Variants in ASTN1 observed in about 807,000 individuals in gnomAD.
ASTN1 encodes astrotactin-1.
ASTN1 carries 41 observed loss-of-function variants against 140.7 expected under a neutral mutation model. That is an observed-to-expected ratio of 0.29 (90% CI 0.23 to 0.38). The LOEUF is 0.38. Ranked by LOEUF, ASTN1 falls within the 10% of genes least tolerant of loss-of-function variation. The pLI, the probability that ASTN1 is intolerant of heterozygous loss-of-function variation, is 1.00. For missense variants in ASTN1, 1,479 were observed against 1,678.8 expected, an observed-to-expected ratio of 0.88 and a Z score of 2.08; for synonymous variants, 640 against 652.2, an observed-to-expected ratio of 0.98 and a Z score of 0.29.
intron 8 of ASTN1, among the ~76,000 whole-genome samples, chr1:176,991,436 C>CCAAAAAAAAAAAAAAAAAAAAAACA (rs1674164162): frequency 7.2e-5 from 1 of 13,834 alleles, no homozygotes; most frequent in Non-Finnish European, 1.5e-4. Context: ...AAAAAAAAAC[C>CCAAAAAAAAAAAAAAAAAAAAAACA]AAAAAAAAAA....
chr1:177,051,439 C>T (rs1255150342), intron 2 of ASTN1, among the ~76,000 whole-genome samples: 1 of 152,226 alleles, frequency 6.6e-6, no homozygotes, highest in East Asian at 1.9e-4. Context: ...TTGGGCACTA[C>T]ATTGGCAAGA....
chr1:176,923,822 C>T (rs1027739810), intron 16 of ASTN1, among the ~76,000 whole-genome samples: 1 of 152,176 alleles, frequency 6.6e-6, no homozygotes, highest in Non-Finnish European at 1.5e-5. Context: ...ATGAAGTACT[C>T]ATCCCAAAAG....
At chr1:176,948,304 G>T (rs1672038116) in intron 12 of ASTN1, among the ~76,000 whole-genome samples, 1 of 144,300 alleles carries the variant, frequency 6.9e-6, no homozygotes, top group Non-Finnish European at 1.5e-5. Context: ...GGGAGGGAGA[G>T]GGGGGAGAAT....
chr1:176,999,801 G>T (rs960340), intron 8 of ASTN1, among the ~76,000 whole-genome samples: 83,269 of 151,860 alleles, frequency 0.55, 23,325 homozygotes, highest in Non-Finnish European at 0.58. Flanking sequence ...AGATTTGATG[G>T]TTTTATGTGT....
chr1:177,104,036 G>T (rs1043771150), intron 1 of ASTN1, among the ~76,000 whole-genome samples: 1 of 152,082 alleles, frequency 6.6e-6, no homozygotes, highest in Non-Finnish European at 1.5e-5. Context: ...ACAAGCACTT[G>T]TGGGGCCTGC....
At chr1:176,937,134 A>C (rs1462977126) in intron 14 of ASTN1, among the ~76,000 whole-genome samples, 1 of 152,082 alleles carries the variant, frequency 6.6e-6, no homozygotes, top group Non-Finnish European at 1.5e-5. Flanking sequence ...ACTGTAATAC[A>C]CCTGATTTTT....
chr1:176,940,218 G>A (rs1001963637), intron 14 of ASTN1, among the ~76,000 whole-genome samples: 6 of 152,064 alleles, frequency 3.9e-5, no homozygotes, highest in Admixed American at 1.3e-4. Flanking sequence ...CTCACAATCC[G>A]CAGCAACCAG....
chr1:176,890,900 G>T (rs980555922), intron 17 of ASTN1, among the ~76,000 whole-genome samples: 1 of 152,004 alleles, frequency 6.6e-6, no homozygotes, highest in African/African-American at 2.4e-5. Context: ...GGTGGCGGGC[G>T]CCTGTAATCC....
At chr1:176,977,856 C>T (rs1673432130) in intron 8 of ASTN1, among the ~76,000 whole-genome samples, 1 of 152,218 alleles carries the variant, frequency 6.6e-6, no homozygotes, top group South Asian at 2.1e-4. Context: ...GTACCCACTC[C>T]TGCAGAAGAA....
intron 18 of ASTN1, among the ~76,000 whole-genome samples, chr1:176,886,794 T>G (rs1401238683): frequency 2.6e-5 from 4 of 152,236 alleles, no homozygotes; most frequent in African/African-American, 7.2e-5. Context: ...TCCTGCCTAC[T>G]CAGCCTTTCA....
chr1:176,934,344 T>C lies in ASTN1; in HGVS notation c.2483-4A>G. On this transcript the variant is annotated splice_region_variant and splice_polypyrimidine_tract_variant and intron_variant, in intron 15 of 22. Transcript: ENST00000361833. ...GAGTGGAGAGCATTGCTGAGGGCTA[T>C]GGAGAGGCATCACCCAAGGGTAAGA... 1 of 1,601,644 alleles carries C rather than the reference T, an allele frequency of 6.2e-7. No individual in the cohort carries two copies. The highest frequency in any genetic ancestry group is 8.5e-7 in the Non-Finnish European group (1 of 1,169,746).
At chr1:177,067,191 T>C (rs1678405241) in intron 1 of ASTN1, among the ~76,000 whole-genome samples, 1 of 151,984 alleles carries the variant, frequency 6.6e-6, no homozygotes, top group Admixed American at 6.6e-5. Flanking sequence ...GGGGATAGGA[T>C]AGGAGGACAA....
intron 16 of ASTN1, among the ~76,000 whole-genome samples, chr1:176,919,209 C>T (rs1300823398): frequency 2.6e-5 from 4 of 152,166 alleles, no homozygotes; most frequent in Non-Finnish European, 5.9e-5. Context: ...CCCAAACCTG[C>T]ACACATTAGA....
intron 1 of ASTN1, among the ~76,000 whole-genome samples, chr1:177,157,124 G>A (rs1357488957): frequency 6.6e-6 from 1 of 152,148 alleles, no homozygotes; most frequent in Non-Finnish European, 1.5e-5. Flanking sequence ...AAGAAAATCT[G>A]AATACAGTGT....
intron 8 of ASTN1, among the ~76,000 whole-genome samples, chr1:176,971,686 T>C (rs575142560): frequency 3.3e-5 from 5 of 152,318 alleles, no homozygotes; most frequent in Admixed American, 3.3e-4. Flanking sequence ...ATAGTGACTA[T>C]TTTCTGCTCA....
intron 2 of ASTN1, among the ~76,000 whole-genome samples, chr1:177,054,238 C>T (rs1365149953): frequency 6.6e-6 from 1 of 152,030 alleles, no homozygotes; most frequent in African/African-American, 2.4e-5. Context: ...AATAACAAAC[C>T]CTACTTTATG....
intron 8 of ASTN1, among the ~76,000 whole-genome samples, chr1:176,987,974 T>C (rs544699126): frequency 6.6e-6 from 1 of 152,318 alleles, no homozygotes; most frequent in African/African-American, 2.4e-5. Context: ...CCAAAGTTTC[T>C]CATCTGGAAA....
chr1:177,032,738 C>A lies in ASTN1; in HGVS notation c.583G>T (p.Ala195Ser), dbSNP rs554373582. 6.2e-7 allele frequency: 1 copy of A among 1,613,932 alleles called. No individual in the cohort carries two copies. The highest frequency in any genetic ancestry group is 1.3e-5 in the African/African-American group (1 of 75,050). The part of the protein sequence containing the change: ...RVPQPQKSAS[A>S]EAANEIHYIP... Reference sequence around the variant, plus strand: ...TAGTGAATCTCATTGGCTGCCTCAGCACTGGCACTCTTCTGGGGCTGCGGG... The same window carrying A: ...TAGTGAATCTCATTGGCTGCCTCAGAACTGGCACTCTTCTGGGGCTGCGGG... The change falls in exon 3 of 23, where the codon GCT (alanine) becomes TCT (serine). Residue 195 changes from alanine (A) to serine (S), a missense_variant. Physicochemically the swap from Ala to Ser is moderately conservative, Grantham distance 99. This residue lies in a region of ASTN1 where 729 missense variants were observed against 860.4 expected (regional missense o/e 0.85). Transcript: ENST00000361833.
chr1:176,944,046 G>C (rs1340474551), intron 13 of ASTN1, 28 bp from the exon 14 acceptor site: 6 of 1,610,140 alleles, frequency 3.7e-6, no homozygotes, highest in Non-Finnish European at 5.1e-6. Flanking sequence ...CTTCATTTCT[G>C]AGTGTTCAGG....
Sources: allele counts gnomAD v4.1 joint callset (sites outside exome capture counted in the v4.1 genomes callset), GRCh38; gene constraint gnomAD v4.1.1; regional missense constraint gnomAD v4.1.1; transcripts MANE v1.5; gene names NCBI Gene and HGNC (gene_info 2026-07-23, HGNC 2026-07-21).